FER1L6: variants seen among roughly 807,000 people sequenced by gnomAD.
The protein encoded by FER1L6 is fer-1-like protein 6.
Under a neutral mutation model 219.2 loss-of-function variants are expected in FER1L6, and 177 were observed. The observed-to-expected ratio is 0.81, with a 90% confidence interval of 0.71 to 0.91. The LOEUF is 0.91. Ranked by LOEUF, FER1L6 falls within the 40% of genes least tolerant of loss-of-function variation. The pLI, the probability that FER1L6 is intolerant of heterozygous loss-of-function variation, is 0.00. For missense variants in FER1L6, 2,153 were observed against 2,259.9 expected (o/e 0.95, Z 0.96); for synonymous variants, 768 against 824.3 (o/e 0.93, Z 1.17).
At chr8:123,875,552 AT>A (rs1240820325) in intron 1 of FER1L6, among the ~76,000 whole-genome samples, 1 of 152,060 alleles carries the variant, frequency 6.6e-6, no homozygotes, top group African/African-American at 2.4e-5. Context: ...CCATCTTCCA[AT>A]TTTATATCTG....
chr8:123,953,631 G>A (rs972135149), intron 1 of FER1L6, among the ~76,000 whole-genome samples: 2 of 152,170 alleles, frequency 1.3e-5, no homozygotes, highest in South Asian at 2.1e-4. Flanking sequence ...TACCCATGAC[G>A]AGGATGTCAG....
At position 124,017,664 on chromosome 8, in the gene FER1L6, G is replaced by A. The variant is rs561319966; in HGVS notation, c.1959G>A (p.Met653Ile). The A allele has an allele frequency of 3.0e-5, 48 of 1,613,804 alleles. 2 individuals carry two copies. The South Asian group carries it at 5.2e-4, about 17-fold the overall frequency. Residue 653 changes from methionine (M) to isoleucine (I), a missense_variant, in exon 16 of 41, where the codon ATG (methionine) becomes ATA (isoleucine). Physicochemically the swap from Met to Ile is conservative, Grantham distance 10. Coordinates refer to ENST00000522917, the MANE Select transcript of FER1L6 (RefSeq NM_001039112.2). ...FISEAEKKPKMLNQTTLDKKR... is the reference protein window; with the variant it reads ...FISEAEKKPKILNQTTLDKKR... ...CTGAAGCAGAAAAAAAGCCCAAGAT[G>A]TTGAACCAAACCACTTTAGATAAGA... is the stretch of plus-strand genomic sequence containing the variant.
chr8:124,011,189 C>A (rs963451784), intron 14 of FER1L6, among the ~76,000 whole-genome samples: 1 of 152,130 alleles, frequency 6.6e-6, no homozygotes, highest in Admixed American at 6.5e-5. Context: ...GTTGAAAAAA[C>A]CAAGTTCCTT....
chr8:124,116,072 T>G (rs752252887), intron 39 of FER1L6, among the ~76,000 whole-genome samples: 63 of 152,242 alleles, frequency 4.1e-4, no homozygotes, highest in Non-Finnish European at 7.6e-4. Flanking sequence ...AGCCTACTTT[T>G]TTTCTTCCAG....
In FER1L6 at chr8:124,120,041, A is replaced by G. The variant is rs1386541799; in HGVS notation, c.*251A>G. ...CACTTTCACCTCATGGTAATCAACA[A>G]TGACCTCAAATTGACTTAGATCAAT... On this transcript the variant is annotated 3_prime_UTR_variant, in exon 41 of 41. Transcript: ENST00000522917. The G allele has an allele frequency of 5.3e-6, 2 of 378,780 alleles. No homozygotes were observed. The highest frequency in any genetic ancestry group is 2.1e-5 in the African/African-American group (1 of 48,410). The allele number at this position is 378,780 out of a possible 1,614,324, so 23.5% of individuals were successfully genotyped here.
chr8:123,992,888 A>T (rs534565299), intron 12 of FER1L6, among the ~76,000 whole-genome samples: 1 of 152,290 alleles, frequency 6.6e-6, no homozygotes, highest in Non-Finnish European at 1.5e-5. Flanking sequence ...AGAAGTTTTG[A>T]TAAGTTGTGT....
intron 11 of FER1L6, among the ~76,000 whole-genome samples, chr8:123,982,076 C>T (rs1056063271): frequency 7.2e-5 from 11 of 152,240 alleles, no homozygotes; most frequent in African/African-American, 2.6e-4. Flanking sequence ...TATCTGAAAA[C>T]GTGTGCGCCA....
At chr8:124,098,497 C>T (rs992312166) in intron 37 of FER1L6, among the ~76,000 whole-genome samples, 3 of 152,132 alleles carry the variant, frequency 2.0e-5, no homozygotes, top group Non-Finnish European at 4.4e-5. Context: ...ATTCTGTCTC[C>T]AGAATGTACG....
chr8:123,909,421 C>A (rs979131924), intron 1 of FER1L6, among the ~76,000 whole-genome samples: 1 of 152,098 alleles, frequency 6.6e-6, no homozygotes, highest in African/African-American at 2.4e-5. Flanking sequence ...TCTAAAAGAC[C>A]TCTCTGGTTG....
At chr8:123,966,860 T>C (rs1323419412) in intron 5 of FER1L6, among the ~76,000 whole-genome samples, 1 of 152,116 alleles carries the variant, frequency 6.6e-6, no homozygotes, top group African/African-American at 2.4e-5. Flanking sequence ...GGCGTGCGGA[T>C]CACGAGCTCA....
chr8:123,954,343 C>T (rs934551280), intron 1 of FER1L6, among the ~76,000 whole-genome samples: 2 of 152,124 alleles, frequency 1.3e-5, no homozygotes, highest in Non-Finnish European at 2.9e-5. Flanking sequence ...GCTTGCATGC[C>T]TCCAGGAACT....
chr8:124,041,651 C>T (rs1214518603), intron 20 of FER1L6, among the ~76,000 whole-genome samples: 2 of 152,166 alleles, frequency 1.3e-5, no homozygotes, highest in Non-Finnish European at 1.5e-5. Flanking sequence ...CTACAAGAGC[C>T]AGGTAGAGAA....
At chr8:123,978,664 CAA>C (rs1054085093) in intron 10 of FER1L6, among the ~76,000 whole-genome samples, 1 of 152,036 alleles carries the variant, frequency 6.6e-6, no homozygotes, top group Non-Finnish European at 1.5e-5. Context: ...CATGTATGTA[CAA>C]ATATATACAT....
intron 32 of FER1L6, among the ~76,000 whole-genome samples, chr8:124,078,178 T>C (rs1399448692): frequency 6.6e-6 from 1 of 151,738 alleles, no homozygotes; most frequent in African/African-American, 2.4e-5. Flanking sequence ...ATTTGTGGAA[T>C]GAACAGATGG....
chr8:123,903,931 T>C (rs765044778), intron 1 of FER1L6, among the ~76,000 whole-genome samples: 2 of 152,194 alleles, frequency 1.3e-5, no homozygotes, highest in Non-Finnish European at 2.9e-5. Flanking sequence ...AATTAACTTA[T>C]CTTTTCTCCT....
At chr8:123,994,231 A>G (rs2130440175) in intron 12 of FER1L6, among the ~76,000 whole-genome samples, 1 of 152,142 alleles carries the variant, frequency 6.6e-6, no homozygotes, top group South Asian at 2.1e-4. Context: ...GAGCTTCCAA[A>G]TTTTGTCCTT....
At chr8:123,954,582 G>A (rs1320310716) in intron 1 of FER1L6, among the ~76,000 whole-genome samples, 1 of 152,154 alleles carries the variant, frequency 6.6e-6, no homozygotes, top group African/African-American at 2.4e-5. Context: ...AAGGTTTATT[G>A]AGGAAATAGT....
chr8:124,010,771 A>AT, intron 14 of FER1L6, 57 bp downstream of exon 14: 2 of 1,597,748 alleles, frequency 1.3e-6, no homozygotes, highest in Non-Finnish European at 1.7e-6. Context: ...GGGGGAAGGG[A>AT]TTTTTAAAAT....
At chr8:123,876,488 T>TTTTTTTG (rs1284997671) in intron 1 of FER1L6, among the ~76,000 whole-genome samples, 1 of 151,786 alleles carries the variant, frequency 6.6e-6, no homozygotes, top group Non-Finnish European at 1.5e-5. Flanking sequence ...TTGGCTACAT[T>TTTTTTTG]TTTTTTGTTT....
Sources: allele counts gnomAD v4.1 joint callset (sites outside exome capture counted in the v4.1 genomes callset), GRCh38; gene constraint gnomAD v4.1.1; transcripts MANE v1.5; gene names NCBI Gene and HGNC (gene_info 2026-07-23, HGNC 2026-07-21).